Variants in PAK1 observed in about 807,000 individuals in gnomAD.
PAK1 encodes serine/threonine-protein kinase PAK 1.
A neutral mutation model predicts 67.4 loss-of-function variants in PAK1; 29 were observed. That is an observed-to-expected ratio of 0.43 (90% CI 0.32 to 0.59). The LOEUF is 0.59. PAK1 is among the 20% of genes least tolerant of loss of function. The pLI is 0.07. For missense variants in PAK1, 337 were observed against 670.7 expected (o/e 0.50, Z 5.50); for synonymous variants, 223 against 237.4 (o/e 0.94, Z 0.56).
At chr11:77,489,552 G>C in the PAK1 span, among the ~76,000 whole-genome samples, 2 of 152,114 alleles carry the variant, frequency 1.3e-5, no homozygotes, top group East Asian at 3.9e-4. Context: ...CTCCCTGCCT[G>C]ATTCTCCTGC....
intron 2 of PAK1, among the ~76,000 whole-genome samples, chr11:77,386,946 G>A (rs1592152015): frequency 6.6e-6 from 1 of 151,966 alleles, no homozygotes; most frequent in East Asian, 1.9e-4. Flanking sequence ...GCTAATTTTT[G>A]TATTTTTAGT....
chr11:77,486,758 C>T, the PAK1 span, among the ~76,000 whole-genome samples: 2 of 152,186 alleles, frequency 1.3e-5, no homozygotes, highest in African/African-American at 4.8e-5. Context: ...TTAGACCAGC[C>T]CTATCTGGGT....
intron 1 of PAK1, among the ~76,000 whole-genome samples, chr11:77,421,596 G>C (rs1004899845): frequency 6.6e-6 from 1 of 152,086 alleles, no homozygotes; most frequent in African/African-American, 2.4e-5. Context: ...GCAAACAGTG[G>C]GTGACAGATA....
chr11:77,512,074 TA>T, the PAK1 span, among the ~76,000 whole-genome samples: 1 of 152,052 alleles, frequency 6.6e-6, no homozygotes, highest in Non-Finnish European at 1.5e-5. Flanking sequence ...TCGATACTGC[TA>T]ACATGGGAAG....
At chr11:77,347,122 C>T (rs1944549616) in intron 9 of PAK1, 1 of 455,264 alleles carries the variant, frequency 2.2e-6, no homozygotes, top group Admixed American at 2.4e-5. Context: ...CTGCATTAGC[C>T]ACCCTGATGG....
chr11:77,403,359 C>T (rs1369469479), intron 1 of PAK1, among the ~76,000 whole-genome samples: 1 of 152,130 alleles, frequency 6.6e-6, no homozygotes, highest in Non-Finnish European at 1.5e-5. Flanking sequence ...CATGTCAACA[C>T]CCTGGCCACT....
intron 1 of PAK1, among the ~76,000 whole-genome samples, chr11:77,413,763 T>C (rs1368896403): frequency 6.6e-5 from 10 of 152,184 alleles, no homozygotes; most frequent in South Asian, 4.1e-4. Context: ...TGGTCAATAA[T>C]AGACACCCGG....
chr11:77,392,437 G>C lies in PAK1; in HGVS notation c.84C>G (p.Ser28Arg). Residue 28 changes from serine (S) to arginine (R), a missense_variant, in exon 2 of 15, where the codon AGC (serine) becomes AGG (arginine). Ser to Arg is a moderately radical substitution (Grantham distance 110). Transcript: ENST00000356341. ...RNTSTMIGAG[S>R]KDAGTLNHGS... ...CATGGTTTAGGGTTCCAGCATCTTTGCTGCCGGCTCCAATCATAGTGCTGG... is the reference window on the plus strand; with the variant it reads ...CATGGTTTAGGGTTCCAGCATCTTTCCTGCCGGCTCCAATCATAGTGCTGG... 1 of 1,614,056 alleles carries C rather than the reference G, an allele frequency of 6.2e-7. No individual in the cohort carries two copies. Among genetic ancestry groups the C allele is most frequent in the Non-Finnish European group, 8.5e-7 (1 of 1,179,980 alleles).
chr11:77,369,444 CTTTTTTTT>C (rs147630042), intron 5 of PAK1, among the ~76,000 whole-genome samples: 1 of 86,736 alleles, frequency 1.2e-5, no homozygotes. Flanking sequence ...TTATACATTT[CTTTTTTTT>C]TTTTTTTTTT....
At chr11:77,460,937 G>A (rs891246589) in intron 1 of PAK1, among the ~76,000 whole-genome samples, 6 of 152,188 alleles carry the variant, frequency 3.9e-5, no homozygotes, top group African/African-American at 1.4e-4. Context: ...ACAATTCTGA[G>A]GAAAAGCATG....
At chr11:77,390,581 C>T (rs980014925) in intron 2 of PAK1, among the ~76,000 whole-genome samples, 6 of 151,498 alleles carry the variant, frequency 4.0e-5, no homozygotes, top group African/African-American at 1.5e-4. Flanking sequence ...ACTGCAGATT[C>T]AAATTCCCAG....
intron 1 of PAK1, among the ~76,000 whole-genome samples, chr11:77,446,691 T>C (rs372721939): frequency 2.0e-5 from 3 of 152,024 alleles, no homozygotes. Flanking sequence ...TTGGTTTAAC[T>C]TCCTTTGAAG....
intron 14 of PAK1, among the ~76,000 whole-genome samples, chr11:77,329,891 T>A (rs970681335): frequency 6.6e-5 from 10 of 152,196 alleles, no homozygotes; most frequent in African/African-American, 2.4e-4. Flanking sequence ...AACCCCATCA[T>A]CTCAGCCCAA....
intron 11 of PAK1, among the ~76,000 whole-genome samples, chr11:77,338,037 G>A (rs1284644425): frequency 1.3e-5 from 2 of 152,168 alleles, no homozygotes; most frequent in East Asian, 3.9e-4. Context: ...AAAGGGTAAA[G>A]GAGAAAGAGA....
chr11:77,379,511 T>A (rs1020852012), intron 3 of PAK1, 123 bp from the exon 4 acceptor site: 3 of 826,574 alleles, frequency 3.6e-6, no homozygotes, highest in East Asian at 5.1e-5. Context: ...TTCCTTTCTC[T>A]CTATACTCTC....
chr11:77,527,468 C>T, the PAK1 span, among the ~76,000 whole-genome samples: 1 of 152,192 alleles, frequency 6.6e-6, no homozygotes, highest in African/African-American at 2.4e-5. Flanking sequence ...ATATAGATCA[C>T]CTCACATGTC....
intron 2 of PAK1, among the ~76,000 whole-genome samples, chr11:77,385,321 A>G (rs373612332): frequency 6.6e-6 from 1 of 152,234 alleles, no homozygotes; most frequent in Non-Finnish European, 1.5e-5. Flanking sequence ...AGAAAACTCA[A>G]TAGAAAAACC....
intron 1 of PAK1, among the ~76,000 whole-genome samples, chr11:77,447,379 G>GA (rs1565709664): frequency 1.3e-5 from 2 of 152,152 alleles, no homozygotes; most frequent in Admixed American, 1.3e-4. Context: ...ACTTGGAGGC[G>GA]AAAGATTTCA....
Position 77,388,514 on chromosome 11 carries a change from C to T in PAK1, c.190+3817G>A, listed in dbSNP as rs535513977. On this transcript the variant is annotated intron_variant, in intron 2 of 14. Coordinates refer to ENST00000356341, the MANE Select transcript of PAK1 (RefSeq NM_002576.5). Reference sequence around the variant, plus strand: ...GACTACAGGCACCCGCCACCACGCCCGGCTTATTTTTTGTATTTCTAGTAG... The same window carrying T: ...GACTACAGGCACCCGCCACCACGCCTGGCTTATTTTTTGTATTTCTAGTAG... 4.8e-4 allele frequency among the ~76,000 whole-genome samples: 73 copies of T among 152,232 alleles called. No individual in the cohort carries two copies. In the South Asian group the frequency reaches 5.6e-3, roughly 12 times the overall value.
Sources: gnomAD v4.1 joint callset for allele counts (sites outside exome capture counted in the v4.1 genomes callset) on GRCh38, gnomAD v4.1.1 for gene constraint, MANE v1.5 for transcripts, NCBI Gene and HGNC (gene_info 2026-07-23, HGNC 2026-07-21) for gene names.